The following KHDRBS2 variants were observed in gnomAD, a reference collection of about 807,000 sequenced individuals.
KHDRBS2 encodes the protein KH domain-containing, RNA-binding, signal transduction-associated protein 2.
Under a neutral mutation model 44.3 loss-of-function variants are expected in KHDRBS2, and 26 were observed. That is an observed-to-expected ratio of 0.59 (90% confidence interval 0.43 to 0.81). The LOEUF is 0.81. Among genes scored for constraint, KHDRBS2 ranks in the 40% least tolerant of loss-of-function variants. The pLI is 0.00. For missense variants in KHDRBS2, 476 were observed against 433.1 expected (o/e 1.10, Z -0.88); for synonymous variants, 194 against 151.1 (o/e 1.28, Z -2.08).
chr6:61,833,189 A>G (rs1250890533), intron 6 of KHDRBS2, among the ~76,000 whole-genome samples: 2 of 152,178 alleles, frequency 1.3e-5, no homozygotes, highest in African/African-American at 2.4e-5. Context: ...CAGTGTATCT[A>G]TGAAATTATA....
Position 61,748,123 on chromosome 6 carries a change from G to A in KHDRBS2, c.811-15359C>T, listed in dbSNP as rs567500769. On this transcript the variant is annotated intron_variant, in intron 6 of 8. Transcript: ENST00000281156. ...CTCCTGCTCAGTCTCCCAAGTAGCT[G>A]CGATTACAGGCACCTGCCACCATGC... Among the ~76,000 whole-genome samples the A allele has an allele frequency of 5.9e-5, 9 of 152,158 alleles. No homozygotes were observed. The East Asian group carries it at 1.2e-3, about 20-fold the overall frequency.
chr6:62,078,034 C>T (rs748934877), intron 2 of KHDRBS2, among the ~76,000 whole-genome samples: 2 of 152,030 alleles, frequency 1.3e-5, no homozygotes. Flanking sequence ...ATTACAATGG[C>T]ATTTTTTTGT....
chr6:61,995,099 T>C (rs536716716), intron 3 of KHDRBS2, among the ~76,000 whole-genome samples: 1 of 152,268 alleles, frequency 6.6e-6, no homozygotes, highest in Admixed American at 6.5e-5. Flanking sequence ...TTTCCTGCGT[T>C]TGAACCCTTT....
At chr6:61,554,254 C>A in the KHDRBS2 span, among the ~76,000 whole-genome samples, 2 of 152,000 alleles carry the variant, frequency 1.3e-5, no homozygotes, top group East Asian at 3.9e-4. Context: ...TTAAGTAATG[C>A]ACTTCCTTGT....
the KHDRBS2 span, among the ~76,000 whole-genome samples, chr6:61,542,915 T>G: frequency 6.6e-6 from 1 of 152,100 alleles, no homozygotes; most frequent in Non-Finnish European, 1.5e-5. Flanking sequence ...AACTCTCAGG[T>G]ACGTAAAAGT....
chr6:62,260,004 C>A (rs1181074581), intron 1 of KHDRBS2, among the ~76,000 whole-genome samples: 1 of 151,988 alleles, frequency 6.6e-6, no homozygotes, highest in African/African-American at 2.4e-5. Context: ...TGACGAGGAT[C>A]TTCCACTGCT....
chr6:62,214,443 A>C (rs1158669102), intron 1 of KHDRBS2, among the ~76,000 whole-genome samples: 1 of 147,366 alleles, frequency 6.8e-6, no homozygotes, highest in Non-Finnish European at 1.5e-5. Context: ...GTAACTTACA[A>C]AAATTATACA....
chr6:61,631,091 GGCA>G, the KHDRBS2 span, among the ~76,000 whole-genome samples: 1 of 151,894 alleles, frequency 6.6e-6, no homozygotes, highest in Non-Finnish European at 1.5e-5. Flanking sequence ...AAGAGGGAAA[GGCA>G]GCCATTTACT....
intron 4 of KHDRBS2, among the ~76,000 whole-genome samples, chr6:61,945,100 AAAAAAAAAAAAAGTATATATAT>A (rs1247669031): frequency 1.1e-4 from 6 of 52,476 alleles, no homozygotes; most frequent in African/African-American, 2.6e-4. Context: ...TAAAAAAAAA[AAAAAAAAAAAAAGTATATATAT>A]ATATATATAT....
At chr6:62,240,670 G>GTATATATA (rs1293352466) in intron 1 of KHDRBS2, among the ~76,000 whole-genome samples, 8 of 62,544 alleles carry the variant, frequency 1.3e-4, no homozygotes, top group African/African-American at 4.2e-4. Flanking sequence ...GTATGTGTGT[G>GTATATATA]TGTATATATA....
At chr6:61,685,643 A>C (rs1766735600) in intron 8 of KHDRBS2, among the ~76,000 whole-genome samples, 1 of 151,806 alleles carries the variant, frequency 6.6e-6, no homozygotes, top group Non-Finnish European at 1.5e-5. Flanking sequence ...AGCGTCACTG[A>C]GGAACATTTG....
At chr6:61,994,073 G>C (rs1369425176) in intron 3 of KHDRBS2, among the ~76,000 whole-genome samples, 1 of 152,152 alleles carries the variant, frequency 6.6e-6, no homozygotes, top group East Asian at 1.9e-4. Context: ...TCAAGGAACT[G>C]ACTGGCAGGA....
chr6:62,160,306 C>T (rs111728283), intron 2 of KHDRBS2, among the ~76,000 whole-genome samples: 21 of 152,020 alleles, frequency 1.4e-4, no homozygotes, highest in Non-Finnish European at 2.5e-4. Flanking sequence ...ACTTGAGTAG[C>T]GATGGATGAA....
intron 7 of KHDRBS2, among the ~76,000 whole-genome samples, chr6:61,720,889 T>C (rs1432549510): frequency 8.6e-5 from 13 of 151,296 alleles, no homozygotes; most frequent in Non-Finnish European, 1.6e-4. Flanking sequence ...CTAGGTTTTC[T>C]TCTAGGGTTT....
At chr6:62,224,210 G>A (rs1831373917) in intron 1 of KHDRBS2, among the ~76,000 whole-genome samples, 1 of 152,102 alleles carries the variant, frequency 6.6e-6, no homozygotes, top group Non-Finnish European at 1.5e-5. Context: ...TGAGAGAGAT[G>A]CAACCCCTCA....
intron 4 of KHDRBS2, among the ~76,000 whole-genome samples, chr6:61,943,874 G>T (rs1007197768): frequency 1.3e-5 from 2 of 152,066 alleles, no homozygotes; most frequent in Non-Finnish European, 2.9e-5. Context: ...CTCAAAAGAA[G>T]ATATAGTGAC....
chr6:61,706,895 C>T (rs1769657310), intron 7 of KHDRBS2, among the ~76,000 whole-genome samples: 1 of 151,162 alleles, frequency 6.6e-6, no homozygotes. Context: ...ATTATTTGCC[C>T]TCATGGAGTT....
At chr6:61,643,654 C>T in the KHDRBS2 span, among the ~76,000 whole-genome samples, 1 of 152,038 alleles carries the variant, frequency 6.6e-6, no homozygotes, top group Non-Finnish European at 1.5e-5. Context: ...TTCCTATACA[C>T]CCTAAGAGCA....
chr6:62,114,303 T>G (rs2150077433), intron 2 of KHDRBS2, among the ~76,000 whole-genome samples: 1 of 152,252 alleles, frequency 6.6e-6, no homozygotes, highest in Middle Eastern at 3.4e-3. Context: ...CATAAAACAT[T>G]TATTTGTATA....
Sources: gnomAD v4.1 joint callset for allele counts (sites outside exome capture counted in the v4.1 genomes callset) on GRCh38, gnomAD v4.1.1 for gene constraint, MANE v1.5 for transcripts, NCBI Gene and HGNC (gene_info 2026-07-23, HGNC 2026-07-21) for gene names.